Variants in CACNA1C observed in about 807,000 individuals in gnomAD.
The protein encoded by CACNA1C is voltage-dependent L-type calcium channel subunit alpha-1C.
Under a neutral mutation model 229.0 loss-of-function variants are expected in CACNA1C, and 30 were observed. The observed-to-expected ratio is 0.13, with a 90% CI of 0.10 to 0.18. The LOEUF is 0.18. Among genes scored for constraint, CACNA1C ranks in the 10% least tolerant of loss-of-function variants. The pLI, the probability that CACNA1C is intolerant of heterozygous loss-of-function variation, is 1.00. For synonymous variants in CACNA1C, 1,114 were observed against 1,132.5 expected, an observed-to-expected ratio of 0.98 and a Z score of 0.33; for missense variants, 1,658 against 2,845.0, an observed-to-expected ratio of 0.58 and a Z score of 9.49.
At position 2,665,099 on chromosome 12, in the gene CACNA1C, C is replaced by A; in HGVS notation, c.4398+109C>A. The A allele has an allele frequency of 1.6e-6, 2 of 1,217,638 alleles. No individual in the cohort carries two copies. Among genetic ancestry groups the A allele is most frequent in the Non-Finnish European group, 2.3e-6 (2 of 853,744 alleles). 75.4% of individuals were successfully genotyped at this position (1,217,638 alleles called of 1,614,324 possible). On this transcript the variant is annotated intron_variant, in intron 35 of 46. Coordinates refer to ENST00000399655, the MANE Select transcript of CACNA1C (RefSeq NM_000719.7). This position sits in a 1 kb window ranked among gnomAD's most constrained non-coding sequence, Gnocchi z 5.9. ...GGTCAGGGCAACCCTATCAGAGGAGCTGGCTTGGGAAGACTAAGTTGGCAG... is the reference window on the plus strand; with the variant it reads ...GGTCAGGGCAACCCTATCAGAGGAGATGGCTTGGGAAGACTAAGTTGGCAG...
At chr12:2,454,899 C>T (rs1025698777) in intron 4 of CACNA1C, among the ~76,000 whole-genome samples, 1 of 152,248 alleles carries the variant, frequency 6.6e-6, no homozygotes, top group African/African-American at 2.4e-5. Context: ...CACAACCACG[C>T]GTCTATGCTG....
chr12:2,429,777 G>A (rs1229369757), intron 3 of CACNA1C, among the ~76,000 whole-genome samples: 2 of 152,116 alleles, frequency 1.3e-5, no homozygotes, highest in African/African-American at 4.8e-5. Flanking sequence ...GATATTCTAT[G>A]GGCCAAAACA....
At chr12:2,598,359 A>AG (rs2069725251) in intron 21 of CACNA1C, among the ~76,000 whole-genome samples, 1 of 152,142 alleles carries the variant, frequency 6.6e-6, no homozygotes, top group Admixed American at 6.5e-5. Context: ...GGATGAGAGA[A>AG]AGAGTATTCC....
intron 3 of CACNA1C, among the ~76,000 whole-genome samples, chr12:2,446,199 G>GTGGGTGGATGGATGGA (rs1297811979): frequency 1.1e-4 from 15 of 136,906 alleles, no homozygotes; most frequent in Non-Finnish European, 2.2e-4. Context: ...AGGTGGGTGG[G>GTGGGTGGATGGATGGA]TGGATGGATG....
chr12:2,524,661 G>A (rs1467886615), intron 9 of CACNA1C, among the ~76,000 whole-genome samples: 1 of 152,222 alleles, frequency 6.6e-6, no homozygotes, highest in Non-Finnish European at 1.5e-5. Context: ...TTGTGGCTTT[G>A]CCACCCCCGG....
rs1297926441 is a variant in CACNA1C, at chr12:2,108,206, A to G, written c.50-7018A>G. On this transcript the variant is annotated intron_variant, in intron 1 of 46. Coordinates refer to ENST00000399655, the MANE Select transcript of CACNA1C (RefSeq NM_000719.7). The surrounding 1 kb of genome is among the most constrained non-coding windows in gnomAD (Gnocchi z 5.3). ...ACTTCTGTAGCCGTGTTTAGAGGAA[A>G]GATAGTACAGGAATTTAGGGGCTTA... 6.6e-6 allele frequency among the ~76,000 whole-genome samples: 1 copy of G among 152,218 alleles called. No homozygotes were observed. The highest frequency in any genetic ancestry group is 1.5e-5 in the Non-Finnish European group (1 of 68,044).
Position 2,696,534 on chromosome 12 carries a change from G to A in CACNA1C, c.*5335G>A, listed in dbSNP as rs1425266729. 6.7e-6 allele frequency: 1 copy of A among 150,224 alleles called. No homozygotes were observed. Among genetic ancestry groups the A allele is most frequent in the Non-Finnish European group, 1.5e-5 (1 of 67,822 alleles). 9.3% of individuals were successfully genotyped at this position (150,224 alleles called of 1,614,324 possible). On this transcript the variant is annotated 3_prime_UTR_variant, in exon 47 of 47. Transcript: ENST00000399655. ...AGGGCACTGTGCCACTTCCCCTGGTGTGAATCAGACATACATTGTACATTC... is the reference window on the plus strand; with the variant it reads ...AGGGCACTGTGCCACTTCCCCTGGTATGAATCAGACATACATTGTACATTC...
Position 2,688,761 on chromosome 12 carries a change from C to T in CACNA1C, c.6099C>T (p.Ala2033=). 1 of 1,557,894 alleles carries T rather than the reference C, an allele frequency of 6.4e-7. No homozygotes were observed. Among genetic ancestry groups the T allele is most frequent in the Non-Finnish European group, 8.7e-7 (1 of 1,152,514 alleles). The stretch of plus-strand genomic sequence containing the variant: ...CAGGGAGGCAGTTCCACGGCAGTGC[C>T]AGCAGCCTGGTGGAAGCGGTAGGTG... ...GAPGRQFHGS[A]SSLVEAVLIS... is the part of the protein sequence containing the mutation. Residue 2033 remains alanine (A), a synonymous_variant, in exon 46 of 47, where the codon GCC becomes GCT. Coordinates refer to ENST00000399655, the MANE Select transcript of CACNA1C (RefSeq NM_000719.7).
intron 9 of CACNA1C, among the ~76,000 whole-genome samples, chr12:2,517,296 G>A (rs1287314289): frequency 6.6e-6 from 1 of 152,246 alleles, no homozygotes; most frequent in Non-Finnish European, 1.5e-5. Flanking sequence ...CATCTGAAGA[G>A]TCTGGCCATC....
rs564522641 is a variant in CACNA1C, at chr12:2,347,605, A to C, written c.478-101371A>C. 8.3e-4 allele frequency among the ~76,000 whole-genome samples: 127 copies of C among 152,350 alleles called. 1 individual carries two copies. The highest frequency in any genetic ancestry group is 2.9e-3 in the African/African-American group (120 of 41,584). ...AGTAGGAACACCGCTCCAGGACCAG[A>C]GAATCCTAGAGGACAGGAGCCCAGG... is the stretch of plus-strand genomic sequence containing the variant. On this transcript the variant is annotated intron_variant, in intron 3 of 46. Transcript: ENST00000399655.
chr12:1,982,811 G>A (rs2036539635), intron 1 of CACNA1C, among the ~76,000 whole-genome samples: 2 of 151,958 alleles, frequency 1.3e-5, no homozygotes, highest in Admixed American at 1.3e-4. Flanking sequence ...AAAATGAGTT[G>A]GAAAATAATA....
chr12:2,180,945 A>G (rs1221269985), intron 3 of CACNA1C, among the ~76,000 whole-genome samples: 4 of 152,118 alleles, frequency 2.6e-5, no homozygotes, highest in Non-Finnish European at 5.9e-5. Context: ...ATTGTGTTAT[A>G]TTTGTAGCAG....
At chr12:2,228,111 T>C (rs922306313) in intron 3 of CACNA1C, among the ~76,000 whole-genome samples, 6 of 152,280 alleles carry the variant, frequency 3.9e-5, no homozygotes, top group South Asian at 2.1e-4. Context: ...AAATGACACT[T>C]AGGGTTGCAT....
At chr12:2,514,052 C>A (rs2099790885) in intron 9 of CACNA1C, among the ~76,000 whole-genome samples, 1 of 152,208 alleles carries the variant, frequency 6.6e-6, no homozygotes, top group African/African-American at 2.4e-5. Context: ...TACTTAAAAA[C>A]AGTTTCCTAA....
At chr12:2,257,291 AG>A (rs2078323370) in intron 3 of CACNA1C, among the ~76,000 whole-genome samples, 1 of 152,192 alleles carries the variant, frequency 6.6e-6, no homozygotes, top group African/African-American at 2.4e-5. Context: ...AGTACCCTGG[AG>A]GACGGGACCA....
chr12:2,489,796 A>G (rs2154571199), intron 6 of CACNA1C, among the ~76,000 whole-genome samples: 1 of 152,252 alleles, frequency 6.6e-6, no homozygotes, highest in South Asian at 2.1e-4. Context: ...CACCTCCATT[A>G]TTTTACCGAA....
Position 2,115,293 on chromosome 12 carries a change from C to T in CACNA1C, c.119C>T (p.Pro40Leu). The change falls in exon 2 of 47, where the codon CCT becomes CTT. Residue 40 changes from proline to leucine, a missense_variant. By Grantham distance (98) the Pro-to-Leu change is moderately conservative (BLOSUM62 -3). Around this residue, in one of 20 missense-constraint regions of CACNA1C, gnomAD observed 111 missense variants for 128.0 expected, o/e 0.87. Transcript: ENST00000399655. ...GCCAATGCGGCAGCGGGGCTGGCCC[C>T]TGAGCACATCCCCACCCCGGGGGCT... ...MNANAAAGLA[P>L]EHIPTPGAAL... 1.3e-6 allele frequency: 2 copies of T among 1,593,576 alleles called. No individual in the cohort carries two copies. The highest frequency in any genetic ancestry group is 1.3e-5 in the African/African-American group (1 of 74,588).
intron 3 of CACNA1C, among the ~76,000 whole-genome samples, chr12:2,187,474 C>T (rs1364945572): frequency 6.6e-6 from 1 of 152,200 alleles, no homozygotes; most frequent in East Asian, 1.9e-4. Context: ...AGTGGGCACA[C>T]AGAAACTTCC....
intron 1 of CACNA1C, among the ~76,000 whole-genome samples, chr12:2,028,005 T>C (rs900106203): frequency 6.6e-6 from 1 of 152,228 alleles, no homozygotes; most frequent in Admixed American, 6.5e-5. Flanking sequence ...TATGATCCCC[T>C]CATGCTTCAT....
Sources: allele counts gnomAD v4.1 joint callset (sites outside exome capture counted in the v4.1 genomes callset), GRCh38; gene constraint gnomAD v4.1.1; regional missense constraint gnomAD v4.1.1; non-coding constraint Gnocchi (gnomAD v3.1); transcripts MANE v1.5; gene names NCBI Gene and HGNC (gene_info 2026-07-23, HGNC 2026-07-21).